SLCO1B3: variants seen among roughly 807,000 people sequenced by gnomAD.
The protein encoded by SLCO1B3 is solute carrier organic anion transporter family member 1B3, also known as liver-specific organic anion transporter 2.
Under a neutral mutation model 71.8 loss-of-function variants are expected in SLCO1B3, and 72 were observed. The observed-to-expected ratio is 1.00, with a 90% CI of 0.83 to 1.22. SLCO1B3 has a LOEUF of 1.22. Among genes scored for constraint, SLCO1B3 ranks in the 50% most tolerant of loss-of-function variants. The probability of loss-of-function intolerance (pLI) is 0.00; values close to 1 mark genes in which losing one functional copy is unlikely to be tolerated. For missense variants in SLCO1B3, 911 were observed against 819.7 expected (o/e 1.11, Z -1.36); for synonymous variants, 298 against 278.4 (o/e 1.07, Z -0.70).
At chr12:20,872,622 A>G (rs187611310) in intron 8 of SLCO1B3, among the ~76,000 whole-genome samples, 4 of 152,056 alleles carry the variant, frequency 2.6e-5, no homozygotes, top group African/African-American at 4.8e-5. Flanking sequence ...CTGGTTATTT[A>G]GGGCCTGAGG....
chr12:20,883,825 T>C (rs1297674426), intron 13 of SLCO1B3, among the ~76,000 whole-genome samples: 2 of 130,970 alleles, frequency 1.5e-5, no homozygotes, highest in Admixed American at 8.9e-5. Context: ...TTCTTCTCTT[T>C]AATAAAAATC....
Position 20,858,470 on chromosome 12 carries a change from C to A in SLCO1B3, c.258C>A (p.Tyr86Ter). Reference sequence around the variant, plus strand: ...TGCTTGTGATTGTATTTGTAAGTTACTTTGGATCTAAACTACACAGACCGA... The same window carrying A: ...TGCTTGTGATTGTATTTGTAAGTTAATTTGGATCTAAACTACACAGACCGA... ...GNLLVIVFVS[Y>*]FGSKLHRPKL... Residue 86 changes from tyrosine (Y) to a stop codon, truncating the protein, a stop_gained, in exon 5 of 16, where the codon TAC (tyrosine) becomes TAA (stop). Transcript: ENST00000381545. LOFTEE classifies it high-confidence loss of function. 1 of 1,593,164 alleles carries A rather than the reference C, an allele frequency of 6.3e-7. No individual in the cohort carries two copies. The highest frequency in any genetic ancestry group is 1.7e-5 in the Admixed American group (1 of 59,812).
intron 15 of SLCO1B3, among the ~76,000 whole-genome samples, chr12:20,903,017 G>C (rs2120394793): frequency 6.7e-6 from 1 of 148,772 alleles, no homozygotes; most frequent in South Asian, 2.1e-4. Flanking sequence ...AGGTGGCAGT[G>C]AGCTGAGATC....
intron 3 of SLCO1B3, among the ~76,000 whole-genome samples, chr12:20,836,883 C>T (rs767401629): frequency 7.2e-5 from 11 of 152,264 alleles, no homozygotes; most frequent in South Asian, 2.1e-4. Flanking sequence ...CCTCGGGATC[C>T]GCCTACCTTG....
At chr12:20,821,856 C>T (rs1032717367) in intron 3 of SLCO1B3, among the ~76,000 whole-genome samples, 1 of 152,190 alleles carries the variant, frequency 6.6e-6, no homozygotes, top group African/African-American at 2.4e-5. Flanking sequence ...CTTCCCAGTC[C>T]GTGACCGGCA....
rs1027980189 is a variant in SLCO1B3, at chr12:20,901,473, T to C, written c.1865+6T>C. On this transcript the variant is annotated splice_donor_region_variant and intron_variant, in intron 15 of 15. Transcript: ENST00000381545. ...TATAATTCCGTATTTTTTGGGTAAG[T>C]TGTCGTAAACACATTTCATTAATAG... 2.1e-6 allele frequency: 3 copies of C among 1,438,732 alleles called. No homozygotes were observed. The highest frequency in any genetic ancestry group is 2.8e-6 in the Non-Finnish European group (3 of 1,057,540). 89.1% of individuals were successfully genotyped at this position (1,438,732 alleles called of 1,614,324 possible).
chr12:20,884,749 C>T (rs998332913), intron 13 of SLCO1B3, among the ~76,000 whole-genome samples: 1 of 151,672 alleles, frequency 6.6e-6, no homozygotes, highest in African/African-American at 2.4e-5. Flanking sequence ...AAGTTCATGG[C>T]CAGCCAACAG....
intron 3 of SLCO1B3, among the ~76,000 whole-genome samples, chr12:20,824,349 C>T (rs998021543): frequency 2.0e-5 from 3 of 152,196 alleles, no homozygotes; most frequent in African/African-American, 7.2e-5. Context: ...AATACATGAG[C>T]TCTCCATGAA....
At chr12:20,854,182 A>G (rs911340202) in intron 3 of SLCO1B3, among the ~76,000 whole-genome samples, 3 of 152,078 alleles carry the variant, frequency 2.0e-5, no homozygotes, top group African/African-American at 7.2e-5. Flanking sequence ...TTCTGTTGTT[A>G]TTTGATAGAG....
intron 8 of SLCO1B3, among the ~76,000 whole-genome samples, chr12:20,872,351 A>G (rs937920758): frequency 1.3e-5 from 2 of 151,516 alleles, no homozygotes; most frequent in Non-Finnish European, 2.9e-5. Context: ...GGCCCAGGGC[A>G]GGTCTAGAAA....
At chr12:20,894,171 A>G (rs73073224) in intron 13 of SLCO1B3, among the ~76,000 whole-genome samples, 20,941 of 152,270 alleles carry the variant, frequency 0.14, 1,539 homozygotes, top group Middle Eastern at 0.23. Context: ...ATTAAATGAA[A>G]TAGCACATTT....
intron 3 of SLCO1B3, among the ~76,000 whole-genome samples, chr12:20,823,449 T>A (rs1176054429): frequency 6.6e-6 from 1 of 152,168 alleles, no homozygotes; most frequent in Non-Finnish European, 1.5e-5. Flanking sequence ...AAGACTAGAA[T>A]CAAACAACAG....
intron 13 of SLCO1B3, among the ~76,000 whole-genome samples, chr12:20,886,816 C>T (rs1023219079): frequency 2.2e-4 from 33 of 151,968 alleles, no homozygotes; most frequent in South Asian, 1.9e-3. Context: ...TCCCATCACC[C>T]GAATCGTGTA....
At chr12:20,900,844 G>A (rs1178997362) in intron 14 of SLCO1B3, among the ~76,000 whole-genome samples, 1 of 152,098 alleles carries the variant, frequency 6.6e-6, no homozygotes, top group Non-Finnish European at 1.5e-5. Context: ...CTCTGGGGAG[G>A]GAATCCTGGT....
Position 20,820,722 on chromosome 12 carries a change from A to C in SLCO1B3, c.84+4900A>C, listed in dbSNP as rs374574413. Reference sequence around the variant, plus strand: ...GGGTAATAAAATGTATATTGAGAATAAGATGGCCTTTTGACCTTTTAGGGT... The same window carrying C: ...GGGTAATAAAATGTATATTGAGAATCAGATGGCCTTTTGACCTTTTAGGGT... On this transcript the variant is annotated intron_variant, in intron 3 of 15. Transcript: ENST00000381545. Among the ~76,000 whole-genome samples, 160 of 152,288 alleles carry C rather than the reference A, an allele frequency of 1.1e-3. 4 individuals are homozygous for C. The South Asian group carries it at 0.032, about 31-fold the overall frequency.
Position 20,907,369 on chromosome 12 carries a change from A to T in SLCO1B3, c.1865+5902A>T, listed in dbSNP as rs1866267644. On this transcript the variant is annotated intron_variant, in intron 15 of 15. Coordinates refer to ENST00000381545, the MANE Select transcript of SLCO1B3 (RefSeq NM_019844.4). ...AATAATTATAGAAAATCTTTCCCTAAATGGGAGATTTCTTTCCTCCCTCCC... is the reference window on the plus strand; with the variant it reads ...AATAATTATAGAAAATCTTTCCCTATATGGGAGATTTCTTTCCTCCCTCCC... Among the ~76,000 whole-genome samples, 4 of 151,668 alleles carry T rather than the reference A, an allele frequency of 2.6e-5. No individual in the cohort carries two copies. The South Asian group carries it at 8.4e-4, about 32-fold the overall frequency.
intron 8 of SLCO1B3, among the ~76,000 whole-genome samples, chr12:20,868,068 C>A (rs78909944): frequency 0.01 from 1,591 of 152,258 alleles, 20 homozygotes; most frequent in African/African-American, 0.035. Flanking sequence ...TTCTAAATGT[C>A]ATTTTCTCCT....
At chr12:20,852,923 T>C (rs921574618) in intron 3 of SLCO1B3, among the ~76,000 whole-genome samples, 19 of 152,168 alleles carry the variant, frequency 1.2e-4, no homozygotes, top group Admixed American at 3.3e-4. Flanking sequence ...TTTTCTTGTT[T>C]AATTTCTTTT....
chr12:20,886,683 G>C (rs56971529), intron 13 of SLCO1B3, among the ~76,000 whole-genome samples: 2,791 of 152,008 alleles, frequency 0.018, 79 homozygotes, highest in East Asian at 0.098. Flanking sequence ...GCATGAAGAT[G>C]GGAGGTGAAA....
Sources: allele counts gnomAD v4.1 joint callset (sites outside exome capture counted in the v4.1 genomes callset), GRCh38; gene constraint gnomAD v4.1.1; transcripts MANE v1.5; gene names NCBI Gene and HGNC (gene_info 2026-07-23, HGNC 2026-07-21).